TOX2: variants seen among roughly 807,000 people sequenced by gnomAD.
The protein encoded by TOX2 is granulosa cell HMG box 1.
Under a neutral mutation model 47.4 loss-of-function variants are expected in TOX2, and 15 were observed. The ratio of observed to expected loss-of-function variants is 0.32; its 90% confidence interval spans 0.21 to 0.49. The LOEUF is 0.49. Ranked by LOEUF, TOX2 falls within the 20% of genes least tolerant of loss-of-function variation. TOX2 has a pLI of 0.99. For synonymous variants in TOX2, 290 were observed against 296.6 expected (o/e 0.98, Z 0.23); for missense variants, 622 against 673.1 (o/e 0.92, Z 0.84).
chr20:43,980,151 A>T (rs1419386694), intron 2 of TOX2, among the ~76,000 whole-genome samples: 1 of 152,268 alleles, frequency 6.6e-6, no homozygotes, highest in African/African-American at 2.4e-5. Flanking sequence ...TGAATGGGTA[A>T]AGAGAATGTG....
At chr20:44,064,940 G>C in intron 6 of TOX2, 83 bp downstream of exon 6, 2 of 1,312,988 alleles carry the variant, frequency 1.5e-6, no homozygotes, top group Admixed American at 3.7e-5. Flanking sequence ...CCCGTGGGAA[G>C]GGCCGGCACC....
Position 44,048,408 on chromosome 20 carries a change from ATATATG to A in TOX2, c.412-2893_412-2888del, listed in dbSNP as rs1382733086. 8.5e-4 allele frequency among the ~76,000 whole-genome samples: 114 copies of A among 134,294 alleles called. 5 individuals carry two copies. The highest frequency in any genetic ancestry group is 1.8e-3 in the African/African-American group (64 of 35,788). The allele number at this position is 134,294 out of a possible 152,430, so 88.1% of individuals were successfully genotyped here. ...TGAATTTATATATATATATATATAT[ATATATG>A]TATAATTTACCAAAACTGACTCGAG... On this transcript the variant is annotated intron_variant, in intron 3 of 8. Coordinates refer to ENST00000341197, the MANE Select transcript of TOX2 (RefSeq NM_001098797.2).
intron 3 of TOX2, among the ~76,000 whole-genome samples, chr20:44,031,623 C>T (rs1479181827): frequency 3.9e-5 from 6 of 152,118 alleles, no homozygotes; most frequent in Non-Finnish European, 8.8e-5. Flanking sequence ...ACCGAGAATA[C>T]ACCATGTGGC....
chr20:43,997,415 T>C (rs1270258886), intron 2 of TOX2, among the ~76,000 whole-genome samples: 1 of 152,162 alleles, frequency 6.6e-6, no homozygotes, highest in African/African-American at 2.4e-5. Flanking sequence ...TAATTGTTGT[T>C]TGGAAGATTT....
At chr20:44,033,244 A>ATT (rs142265154) in intron 3 of TOX2, among the ~76,000 whole-genome samples, 2 of 150,720 alleles carry the variant, frequency 1.3e-5, no homozygotes, top group African/African-American at 4.9e-5. Flanking sequence ...TTTGTGCTAG[A>ATT]TTTTTTTTTT....
At chr20:43,976,604 A>G (rs2070080480) in intron 2 of TOX2, among the ~76,000 whole-genome samples, 1 of 152,234 alleles carries the variant, frequency 6.6e-6, no homozygotes. Flanking sequence ...TGTAGGAAAC[A>G]TATGGGATAT....
chr20:43,978,924 T>C (rs2070126108), intron 2 of TOX2, among the ~76,000 whole-genome samples: 1 of 151,974 alleles, frequency 6.6e-6, no homozygotes, highest in East Asian at 1.9e-4. Flanking sequence ...AGGATCAAGA[T>C]CTAGATTGTG....
intron 1 of TOX2, among the ~76,000 whole-genome samples, chr20:43,948,918 G>A (rs1043948848): frequency 6.6e-6 from 1 of 152,174 alleles, no homozygotes; most frequent in Non-Finnish European, 1.5e-5. Flanking sequence ...ACTTCTAGTT[G>A]TGAGGCTTGA....
chr20:43,924,573 G>A (rs1191746196), intron 1 of TOX2, among the ~76,000 whole-genome samples: 2 of 152,146 alleles, frequency 1.3e-5, no homozygotes, highest in African/African-American at 4.8e-5. Context: ...CATCTGCCCT[G>A]CCCAGCCTCA....
chr20:43,965,746 G>T (rs975823810), intron 1 of TOX2, among the ~76,000 whole-genome samples: 1 of 152,168 alleles, frequency 6.6e-6, no homozygotes, highest in African/African-American at 2.4e-5. Flanking sequence ...CTTAGACCCA[G>T]GACCAAGAGT....
intron 3 of TOX2, among the ~76,000 whole-genome samples, chr20:44,025,580 A>G (rs2071049555): frequency 1.1e-3 from 1 of 902 alleles, no homozygotes. Context: ...TCTCCCCCTC[A>G]TGTCAGCACT....
intron 1 of TOX2, among the ~76,000 whole-genome samples, chr20:43,920,634 A>C (rs1426139768): frequency 6.6e-6 from 1 of 152,170 alleles, no homozygotes. Context: ...GGATGTTTGC[A>C]TGGCAGGACC....
At chr20:43,936,141 G>C (rs1380436774) in intron 1 of TOX2, among the ~76,000 whole-genome samples, 1 of 152,132 alleles carries the variant, frequency 6.6e-6, no homozygotes, top group Non-Finnish European at 1.5e-5. Context: ...CCCACTGGTA[G>C]AGACAGGCAG....
At chr20:44,010,851 T>TA (rs879627987) in intron 3 of TOX2, among the ~76,000 whole-genome samples, 4 of 152,062 alleles carry the variant, frequency 2.6e-5, no homozygotes, top group Non-Finnish European at 5.9e-5. Flanking sequence ...CTTGGGGGCT[T>TA]AAAAAAACAG....
rs576959300 is a variant in TOX2, at chr20:43,938,484, T to G, written c.99+23494T>G. Among the ~76,000 whole-genome samples the G allele has an allele frequency of 2.4e-4, 37 of 152,320 alleles. 1 individual carries two copies. In the South Asian group the frequency reaches 7.7e-3, roughly 32 times the overall value. ...TGAAGCAATCCTGGCTCCTGCCCCA[T>G]GTCCTGATGGGTGCACTAGGAGTTA... On this transcript the variant is annotated intron_variant, in intron 1 of 8. Transcript: ENST00000341197.
intron 2 of TOX2, among the ~76,000 whole-genome samples, chr20:43,987,481 T>C (rs2070286679): frequency 6.6e-6 from 1 of 152,216 alleles, no homozygotes; most frequent in African/African-American, 2.4e-5. Context: ...TTCATTGAGC[T>C]GTACATTTAT....
chr20:43,957,873 T>TG (rs34267745), intron 1 of TOX2, among the ~76,000 whole-genome samples: 1 of 152,074 alleles, frequency 6.6e-6, no homozygotes, highest in Admixed American at 6.5e-5. Flanking sequence ...ACAGAGCAAG[T>TG]GGGGAAGCGT....
intron 1 of TOX2, among the ~76,000 whole-genome samples, chr20:43,963,098 C>T (rs780880650): frequency 2.6e-5 from 4 of 152,032 alleles, no homozygotes; most frequent in Non-Finnish European, 5.9e-5. Context: ...TCAGAAGCCA[C>T]GTGTGGTAAG....
At chr20:44,046,113 T>G (rs1040617538) in intron 3 of TOX2, among the ~76,000 whole-genome samples, 3 of 152,210 alleles carry the variant, frequency 2.0e-5, no homozygotes, top group Non-Finnish European at 4.4e-5. Context: ...GAAACCAGTA[T>G]CTACCTACAC....
Sources: allele counts gnomAD v4.1 joint callset (sites outside exome capture counted in the v4.1 genomes callset), GRCh38; gene constraint gnomAD v4.1.1; transcripts MANE v1.5; gene names NCBI Gene and HGNC (gene_info 2026-07-23, HGNC 2026-07-21).